Variants in COL4A4 observed in about 807,000 individuals in gnomAD.
The protein encoded by COL4A4 is collagen alpha-4(IV) chain.
COL4A4 carries 105 observed loss-of-function variants against 192.9 expected under a neutral mutation model. The ratio of observed to expected loss-of-function variants is 0.54; its 90% confidence interval spans 0.46 to 0.64. The LOEUF is 0.64. Ranked by LOEUF, COL4A4 falls within the 30% of genes least tolerant of loss-of-function variation. The pLI is 0.00. For missense variants in COL4A4, 1,967 were observed against 2,169.3 expected (o/e 0.91, Z 1.85); for synonymous variants, 762 against 769.9 (o/e 0.99, Z 0.17).
At chr2:227,059,357 A>G in intron 28 of COL4A4, 48 bp downstream of exon 28, 1 of 1,523,396 alleles carries the variant, frequency 6.6e-7, no homozygotes, top group Non-Finnish European at 9.1e-7. Flanking sequence ...GACCTGTTCC[A>G]AAACTGAGCC....
intron 25 of COL4A4, among the ~76,000 whole-genome samples, chr2:227,069,323 C>A (rs1394357218): frequency 6.6e-6 from 1 of 152,036 alleles, no homozygotes; most frequent in Non-Finnish European, 1.5e-5. Context: ...ATGCCATCCC[C>A]ATCAAGCTAC....
At position 227,010,313 on chromosome 2, in the gene COL4A4, C is replaced by T. The variant is rs1003748020; in HGVS notation, c.4522G>A (p.Gly1508Ser). 2.8e-5 allele frequency: 45 copies of T among 1,614,048 alleles called. No individual in the cohort carries two copies. Among genetic ancestry groups the T allele is most frequent in the Non-Finnish European group, 3.8e-5 (45 of 1,180,024 alleles). The change falls in exon 46 of 48, where the codon GGT (glycine) becomes AGT (serine). Residue 1508 changes from glycine (G) to serine (S), a missense_variant and splice_region_variant. Gly to Ser is a moderately conservative substitution (Grantham distance 56). Coordinates refer to ENST00000396625, the MANE Select transcript of COL4A4 (RefSeq NM_000092.5). The stretch of plus-strand genomic sequence containing the variant: ...GAGATGGGCGATCCTGTATCCATAC[C>T]AAGGTCTTGATTGTGAGCTTTCTCT... Reference protein sequence around the residue: ...GQEKAHNQDLGLAGSCLPVFS... With the variant: ...GQEKAHNQDLSLAGSCLPVFS...
At position 227,041,838 on chromosome 2, in the gene COL4A4, A is replaced by AAG. The variant is rs752857780; in HGVS notation, c.3505+308_3505+309dup. Among the ~76,000 whole-genome samples the AAG allele has an allele frequency of 0.04, 1,628 of 41,204 alleles. 169 individuals are homozygous for AAG. Among genetic ancestry groups the AAG allele is most frequent in the African/African-American group, 0.085 (701 of 8,208 alleles). The allele number at this position is 41,204 out of a possible 152,430, so 27.0% of individuals were successfully genotyped here. ...AAAGAAAGAAAGAAAGAAAGAAAGA[A>AAG]AGAAAGAAAGAGAAAGAAAGAAAGA... On this transcript the variant is annotated intron_variant, in intron 37 of 47. Coordinates refer to ENST00000396625, the MANE Select transcript of COL4A4 (RefSeq NM_000092.5).
chr2:227,054,370 T>C (rs150673490), intron 31 of COL4A4, among the ~76,000 whole-genome samples: 1 of 152,272 alleles, frequency 6.6e-6, no homozygotes, highest in African/African-American at 2.4e-5. Context: ...ACTTGTTAAT[T>C]CTTTTTCAAT....
chr2:227,021,924 G>T, intron 44 of COL4A4, 124 bp downstream of exon 44: 2 of 1,142,034 alleles, frequency 1.8e-6, no homozygotes, highest in Non-Finnish European at 2.5e-6. Context: ...AAATTGCAAA[G>T]GGAAAGACAT....
chr2:227,103,963 G>A lies in COL4A4; in HGVS notation c.816+9C>T. On this transcript the variant is annotated intron_variant, in intron 13 of 47. Coordinates refer to ENST00000396625, the MANE Select transcript of COL4A4 (RefSeq NM_000092.5). ...ACTTTCCAAGGTGACATATGGATTT[G>A]GGAATTACCTTTTCTCCTTTATAGA... 1 of 1,606,590 alleles carries A rather than the reference G, an allele frequency of 6.2e-7. No homozygotes were observed. Among genetic ancestry groups the A allele is most frequent in the Non-Finnish European group, 8.5e-7 (1 of 1,173,828 alleles).
At chr2:227,036,013 T>C (rs556160921) in intron 37 of COL4A4, among the ~76,000 whole-genome samples, 107 of 152,356 alleles carry the variant, frequency 7.0e-4, no homozygotes, top group Non-Finnish European at 1.4e-3. Context: ...CTGAAAGCTT[T>C]TTATCAATCC....
intron 37 of COL4A4, among the ~76,000 whole-genome samples, chr2:227,041,252 A>G (rs1970755849): frequency 1.3e-5 from 2 of 152,190 alleles, no homozygotes; most frequent in Non-Finnish European, 2.9e-5. Context: ...TACACCCAGC[A>G]TCTAGCACAG....
the COL4A4 span, among the ~76,000 whole-genome samples, chr2:226,981,995 C>G: frequency 6.6e-6 from 1 of 152,228 alleles, no homozygotes; most frequent in African/African-American, 2.4e-5. Flanking sequence ...TTTCCTAAAC[C>G]ACAAGCTGCT....
chr2:227,029,700 T>C (rs1967833995), intron 41 of COL4A4, among the ~76,000 whole-genome samples: 1 of 152,226 alleles, frequency 6.6e-6, no homozygotes, highest in South Asian at 2.1e-4. Flanking sequence ...AAAAAGCTTC[T>C]TTGAACCTAA....
the COL4A4 span, among the ~76,000 whole-genome samples, chr2:226,981,154 G>A: frequency 1.3e-5 from 2 of 152,108 alleles, no homozygotes; most frequent in East Asian, 3.9e-4. Context: ...ACTCATAGGT[G>A]GAAATTGAAC....
chr2:227,144,538 A>G lies in COL4A4; in HGVS notation c.92T>C (p.Phe31Ser), dbSNP rs754455472. 10 of 1,610,674 alleles carry G rather than the reference A, an allele frequency of 6.2e-6. No homozygotes were observed. The highest frequency in any genetic ancestry group is 8.5e-6 in the Non-Finnish European group (10 of 1,176,946). The stretch of plus-strand genomic sequence containing the variant: ...TACCCCATATACATATTGTACAGAA[A>G]AGAGAATGAGTATAAGTGACCTACA... ...TGPWSLILIL[F>S]SVQYVYGSGK... The change falls in exon 3 of 48, where the codon TTT (phenylalanine) becomes TCT (serine). Residue 31 changes from phenylalanine to serine, a missense_variant. Transcript: ENST00000396625.
At chr2:227,018,332 T>C (rs1354603959) in intron 44 of COL4A4, among the ~76,000 whole-genome samples, 5 of 152,130 alleles carry the variant, frequency 3.3e-5, no homozygotes, top group Non-Finnish European at 1.5e-5. Context: ...CTTCAGGAAA[T>C]GCTAGAGAAT....
intron 40 of COL4A4, among the ~76,000 whole-genome samples, chr2:227,031,661 G>A (rs1277633344): frequency 6.6e-6 from 1 of 152,162 alleles, no homozygotes; most frequent in Non-Finnish European, 1.5e-5. Context: ...TCAGCATCAA[G>A]CTGGTGATAA....
chr2:227,149,745 AGAG>A (rs1411122369), intron 1 of COL4A4, among the ~76,000 whole-genome samples: 4 of 152,240 alleles, frequency 2.6e-5, no homozygotes, highest in Admixed American at 1.3e-4. Context: ...AAGGTTGTAC[AGAG>A]GAGAATTTTA....
the COL4A4 span, among the ~76,000 whole-genome samples, chr2:226,991,272 C>G: frequency 6.6e-6 from 1 of 152,192 alleles, no homozygotes; most frequent in Admixed American, 6.5e-5. Context: ...TCTCTGCTTC[C>G]TGGGTTCAAG....
intron 44 of COL4A4, among the ~76,000 whole-genome samples, chr2:227,019,753 T>C (rs1189872602): frequency 1.3e-5 from 2 of 152,230 alleles, no homozygotes; most frequent in Non-Finnish European, 2.9e-5. Context: ...CTGCAACCTC[T>C]GCCTCCTGGG....
At chr2:227,030,853 G>T (rs1484366734) in intron 40 of COL4A4, among the ~76,000 whole-genome samples, 2 of 152,098 alleles carry the variant, frequency 1.3e-5, no homozygotes, top group Non-Finnish European at 2.9e-5. Flanking sequence ...TCCCTTCAAA[G>T]TCATTCCTGT....
intron 37 of COL4A4, among the ~76,000 whole-genome samples, chr2:227,040,205 T>C (rs901784695): frequency 3.9e-5 from 6 of 152,220 alleles, no homozygotes; most frequent in South Asian, 4.1e-4. Context: ...CTTTTTATTT[T>C]ACCAGGATTT....
Sources: allele counts gnomAD v4.1 joint callset (sites outside exome capture counted in the v4.1 genomes callset), GRCh38; gene constraint gnomAD v4.1.1; transcripts MANE v1.5; gene names NCBI Gene and HGNC (gene_info 2026-07-23, HGNC 2026-07-21).